Variants in KIAA0825 observed in about 807,000 individuals in gnomAD.
KIAA0825 encodes the protein uncharacterized protein KIAA0825.
A neutral mutation model predicts 147.6 loss-of-function variants in KIAA0825; 119 were observed. That is an observed-to-expected ratio of 0.81 (90% CI 0.69 to 0.94). The LOEUF is 0.94. KIAA0825 is among the 40% of genes least tolerant of loss of function. KIAA0825 has a pLI of 0.00. For missense variants in KIAA0825, 1,381 were observed against 1,472.7 expected (o/e 0.94, Z 1.02); for synonymous variants, 470 against 518.1 (o/e 0.91, Z 1.26).
chr5:94,544,760 A>G (rs1374028603), intron 2 of KIAA0825, among the ~76,000 whole-genome samples: 2 of 152,162 alleles, frequency 1.3e-5, no homozygotes, highest in African/African-American at 4.8e-5. Context: ...ACTTTTGAAC[A>G]TCTGAAATTG....
At chr5:94,434,816 A>G (rs973153978) in intron 14 of KIAA0825, among the ~76,000 whole-genome samples, 6 of 152,200 alleles carry the variant, frequency 3.9e-5, no homozygotes, top group African/African-American at 1.4e-4. Context: ...TAATGGTATT[A>G]ATTCATTCAT....
At chr5:94,160,433 A>G (rs1232339971) in intron 20 of KIAA0825, among the ~76,000 whole-genome samples, 14 of 149,932 alleles carry the variant, frequency 9.3e-5, no homozygotes, top group Non-Finnish European at 1.2e-4. Flanking sequence ...TGTATACAGT[A>G]TATATGTATA....
At chr5:94,556,916 C>T (rs868557215) in intron 2 of KIAA0825, among the ~76,000 whole-genome samples, 10 of 152,170 alleles carry the variant, frequency 6.6e-5, no homozygotes, top group Admixed American at 2.0e-4. Context: ...GTTCCTATCA[C>T]GCTTAATCTC....
chr5:94,445,002 G>C (rs1460913762), intron 13 of KIAA0825, among the ~76,000 whole-genome samples: 1 of 152,112 alleles, frequency 6.6e-6, no homozygotes, highest in Non-Finnish European at 1.5e-5. Flanking sequence ...TGAAGAGAAA[G>C]CAAGGCACAT....
intron 2 of KIAA0825, among the ~76,000 whole-genome samples, chr5:94,581,855 T>C (rs949224024): frequency 6.6e-6 from 1 of 152,228 alleles, no homozygotes; most frequent in African/African-American, 2.4e-5. Context: ...TTAAAATAAC[T>C]GGCTGGCATC....
intron 16 of KIAA0825, among the ~76,000 whole-genome samples, chr5:94,401,243 CT>C (rs35458877): frequency 1.2e-3 from 178 of 144,048 alleles, no homozygotes; most frequent in Admixed American, 1.8e-3. Flanking sequence ...CCCCACAATT[CT>C]TTTTTTTTTT....
intron 20 of KIAA0825, among the ~76,000 whole-genome samples, chr5:94,205,268 CAT>C (rs5869623): frequency 0.033 from 3,012 of 90,224 alleles, 110 homozygotes; most frequent in African/African-American, 0.1. Context: ...ACTATTTAAT[CAT>C]ATATATATAT....
chr5:94,268,677 T>A (rs1303357917), intron 20 of KIAA0825, among the ~76,000 whole-genome samples: 4 of 152,180 alleles, frequency 2.6e-5, no homozygotes, highest in Non-Finnish European at 5.9e-5. Context: ...GCCTATCTAT[T>A]GAGTTACACC....
At chr5:94,444,351 T>G (rs1456695751) in intron 13 of KIAA0825, among the ~76,000 whole-genome samples, 5 of 152,160 alleles carry the variant, frequency 3.3e-5, no homozygotes, top group African/African-American at 1.2e-4. Flanking sequence ...ACTATGCTGG[T>G]GAGGGTGATT....
chr5:94,583,211 G>T (rs1782563399), intron 1 of KIAA0825, among the ~76,000 whole-genome samples: 2 of 152,162 alleles, frequency 1.3e-5, no homozygotes, highest in South Asian at 4.1e-4. Context: ...GCCAAAGCAG[G>T]CCGGGAAGTG....
At chr5:94,182,043 A>C (rs1254443662) in intron 20 of KIAA0825, among the ~76,000 whole-genome samples, 7 of 151,914 alleles carry the variant, frequency 4.6e-5, no homozygotes, top group Admixed American at 4.6e-4. Context: ...TTATCAACAT[A>C]TACAAACCTC....
At chr5:94,191,612 A>C (rs1212856440) in intron 20 of KIAA0825, among the ~76,000 whole-genome samples, 1 of 152,246 alleles carries the variant, frequency 6.6e-6, no homozygotes, top group African/African-American at 2.4e-5. Flanking sequence ...ACTTTAAATC[A>C]AACAAAAAAA....
chr5:94,573,270 G>GTT (rs534638768), intron 2 of KIAA0825, among the ~76,000 whole-genome samples: 3,738 of 124,778 alleles, frequency 0.03, 206 homozygotes, highest in East Asian at 0.13. Context: ...CTTTTTAAGT[G>GTT]TTTTTTTTTT....
rs148486776 is a variant in KIAA0825 at position 94,553,840 on chromosome 5, T to C, written c.-1-16713A>G. 2.0e-3 allele frequency among the ~76,000 whole-genome samples: 309 copies of C among 152,132 alleles called. 2 individuals carry two copies. Among genetic ancestry groups the C allele is most frequent in the African/African-American group, 7.2e-3 (301 of 41,524 alleles). ...GGCAGGTAGATTAGGCTCTCAGTTT[T>C]CTTCCAGCTATAAAATCGTGATGTT... On this transcript the variant is annotated intron_variant, in intron 2 of 20. Coordinates refer to ENST00000682413, the MANE Select transcript of KIAA0825 (RefSeq NM_001145678.3).
intron 20 of KIAA0825, among the ~76,000 whole-genome samples, chr5:94,227,963 A>G (rs903747733): frequency 3.9e-5 from 6 of 152,194 alleles, no homozygotes; most frequent in African/African-American, 1.4e-4. Flanking sequence ...TTAATGTATA[A>G]TAATAAAAAA....
intron 20 of KIAA0825, among the ~76,000 whole-genome samples, chr5:94,327,475 A>C (rs1282513057): frequency 6.6e-6 from 1 of 152,114 alleles, no homozygotes; most frequent in Non-Finnish European, 1.5e-5. Flanking sequence ...TGTTATCCAC[A>C]ATGAGAAATC....
intron 3 of KIAA0825, among the ~76,000 whole-genome samples, chr5:94,533,497 G>A (rs1044660317): frequency 2.2e-5 from 3 of 139,484 alleles, no homozygotes; most frequent in African/African-American, 8.0e-5. Flanking sequence ...GGCTGGTCTC[G>A]AACTCCTGAC....
At chr5:94,516,002 T>C (rs1767179006) in intron 5 of KIAA0825, among the ~76,000 whole-genome samples, 1 of 152,074 alleles carries the variant, frequency 6.6e-6, no homozygotes, top group South Asian at 2.1e-4. Context: ...TAACAAAACA[T>C]ACAAGCATTA....
intron 20 of KIAA0825, among the ~76,000 whole-genome samples, chr5:94,382,015 C>T (rs1335929338): frequency 2.0e-5 from 3 of 152,048 alleles, no homozygotes; most frequent in Admixed American, 6.6e-5. Flanking sequence ...TGTCCTCAGA[C>T]AACATTCACA....
Sources: allele counts gnomAD v4.1 joint callset (sites outside exome capture counted in the v4.1 genomes callset), GRCh38; gene constraint gnomAD v4.1.1; transcripts MANE v1.5; gene names NCBI Gene and HGNC (gene_info 2026-07-23, HGNC 2026-07-21).